C10orf90: variants seen among roughly 807,000 people sequenced by gnomAD.
C10orf90 encodes chromosome 10 open reading frame 90, also known as (E2-independent) E3 ubiquitin-conjugating enzyme FATS.
C10orf90 carries 56 observed loss-of-function variants against 62.5 expected under a neutral mutation model. That is an observed-to-expected ratio of 0.90 (90% CI 0.72 to 1.12). The LOEUF (loss-of-function observed/expected upper bound fraction) is 1.12. C10orf90 is among the 50% of genes most tolerant of loss of function. The pLI is 0.00. For missense variants in C10orf90, 970 were observed against 880.4 expected, an observed-to-expected ratio of 1.10 and a Z score of -1.29; for synonymous variants, 386 against 340.4, an observed-to-expected ratio of 1.13 and a Z score of -1.47.
At chr10:126,572,212 C>A (rs954244501) in intron 2 of C10orf90, among the ~76,000 whole-genome samples, 2 of 152,116 alleles carry the variant, frequency 1.3e-5, no homozygotes, top group East Asian at 3.9e-4. Flanking sequence ...GCCTGCCAAA[C>A]CCACCAAAAC....
chr10:126,581,129 T>C (rs1049259164), intron 2 of C10orf90, among the ~76,000 whole-genome samples: 1 of 152,226 alleles, frequency 6.6e-6, no homozygotes, highest in African/African-American at 2.4e-5. Flanking sequence ...TCTCCTGCTG[T>C]TTGCTTAGCT....
At chr10:126,512,412 CTG>C (rs60016526) in intron 3 of C10orf90, among the ~76,000 whole-genome samples, 8 of 84,986 alleles carry the variant, frequency 9.4e-5, no homozygotes, top group South Asian at 3.4e-4. Context: ...GTCTGTGTGT[CTG>C]TGTGTGTGTG....
Position 126,439,545 on chromosome 10 carries a change from G to A in C10orf90, c.2189-9695C>T, listed in dbSNP as rs368070610. ...TTTAAGGAAGCTGATCCAACTATAA[G>A]AGAACACAGAAAAAAAATGACATCA... On this transcript the variant is annotated intron_variant, in intron 7 of 9. Coordinates refer to ENST00000488181, the MANE Select transcript of C10orf90 (RefSeq NM_001350921.2). Among the ~76,000 whole-genome samples, 6 of 151,648 alleles carry A rather than the reference G, an allele frequency of 4.0e-5. No homozygotes were observed. In the East Asian group the frequency reaches 9.7e-4, roughly 25 times the overall value.
At chr10:126,619,556 G>A (rs1347733416) in intron 2 of C10orf90, among the ~76,000 whole-genome samples, 1 of 152,206 alleles carries the variant, frequency 6.6e-6, no homozygotes, top group Admixed American at 6.5e-5. Flanking sequence ...TTTCATAAAT[G>A]TGTTGGTCAT....
At chr10:126,430,548 G>A (rs893202003) in intron 7 of C10orf90, among the ~76,000 whole-genome samples, 5 of 152,240 alleles carry the variant, frequency 3.3e-5, no homozygotes, top group Admixed American at 2.0e-4. Context: ...AGTTGAAAAG[G>A]GACTGTTCCA....
intron 2 of C10orf90, among the ~76,000 whole-genome samples, chr10:126,619,932 C>T (rs1591150114): frequency 6.6e-6 from 1 of 152,118 alleles, no homozygotes; most frequent in Non-Finnish European, 1.5e-5. Flanking sequence ...TGCACCTAGT[C>T]ATTTTTTCTT....
intron 2 of C10orf90, among the ~76,000 whole-genome samples, chr10:126,625,215 T>C (rs1159390695): frequency 1.3e-5 from 2 of 152,174 alleles, no homozygotes; most frequent in Non-Finnish European, 2.9e-5. Flanking sequence ...TCAACAAATA[T>C]GCTGGGAGCC....
At chr10:126,667,387 T>C (rs976963968) in intron 1 of C10orf90, among the ~76,000 whole-genome samples, 2 of 151,910 alleles carry the variant, frequency 1.3e-5, no homozygotes, top group Non-Finnish European at 2.9e-5. Flanking sequence ...AAAGAATGAA[T>C]AGAAAAAGGA....
intron 7 of C10orf90, among the ~76,000 whole-genome samples, chr10:126,439,554 GA>G (rs902481843): frequency 1.8e-4 from 27 of 151,340 alleles, no homozygotes; most frequent in African/African-American, 6.1e-4. Context: ...AGAGAACACA[GA>G]AAAAAAATGA....
At chr10:126,477,076 A>ATTTTTTTTTTTTTTTTTTTTTTTTTTTT (rs551973906) in intron 4 of C10orf90, among the ~76,000 whole-genome samples, 2 of 56,484 alleles carry the variant, frequency 3.5e-5, no homozygotes, top group African/African-American at 6.4e-5. Context: ...CGCCTGGCTA[A>ATTTTTTTTTTTTTTTTTTTTTTTTTTTT]TTTTTTTTTT....
At chr10:126,430,207 C>G (rs1024846003) in intron 7 of C10orf90, among the ~76,000 whole-genome samples, 1 of 152,154 alleles carries the variant, frequency 6.6e-6, no homozygotes, top group African/African-American at 2.4e-5. Context: ...TACACTAGGT[C>G]TGTGAGGCCT....
intron 4 of C10orf90, among the ~76,000 whole-genome samples, chr10:126,498,707 AC>A (rs1229535987): frequency 1.3e-5 from 2 of 152,224 alleles, no homozygotes; most frequent in Non-Finnish European, 2.9e-5. Flanking sequence ...GAATTGGCTG[AC>A]TGAAGAGAGC....
intron 3 of C10orf90, among the ~76,000 whole-genome samples, chr10:126,508,158 T>A (rs866348020): frequency 1.1e-4 from 14 of 131,522 alleles, no homozygotes; most frequent in South Asian, 5.4e-4. Flanking sequence ...AATGAGTGAG[T>A]GAGAGAGAGA....
intron 7 of C10orf90, among the ~76,000 whole-genome samples, chr10:126,431,588 C>T (rs2133988661): frequency 6.6e-6 from 1 of 152,260 alleles, no homozygotes; most frequent in Non-Finnish European, 1.5e-5. Flanking sequence ...ACTTATTCCA[C>T]TTAGGGAAAA....
At chr10:126,437,985 G>T (rs958528482) in intron 7 of C10orf90, among the ~76,000 whole-genome samples, 3 of 152,180 alleles carry the variant, frequency 2.0e-5, no homozygotes, top group African/African-American at 7.2e-5. Flanking sequence ...CTTATTTTCT[G>T]TGGTTATTTC....
rs192627511 is a variant in C10orf90, at chr10:126,607,926, C to A, written c.313+38639G>T. Among the ~76,000 whole-genome samples, 11 of 152,228 alleles carry A rather than the reference C, an allele frequency of 7.2e-5. No homozygotes were observed. In the East Asian group the frequency reaches 1.9e-3, roughly 27 times the overall value. ...CGTATGATTCCACTTACATGAAGTA[C>A]TTAGAATAGTGAAAATCATGAGATA... On this transcript the variant is annotated intron_variant, in intron 2 of 9. Transcript: ENST00000488181.
chr10:126,563,141 G>T (rs1392755817), intron 2 of C10orf90, among the ~76,000 whole-genome samples: 2 of 152,204 alleles, frequency 1.3e-5, no homozygotes, highest in East Asian at 3.9e-4. Context: ...CCAGCTGGTT[G>T]TTGTTTAAAG....
chr10:126,555,680 G>GTAAATAAATAAATAAATAAA (rs71032506), intron 2 of C10orf90, among the ~76,000 whole-genome samples: 60 of 136,468 alleles, frequency 4.4e-4, no homozygotes, highest in East Asian at 1.1e-3. Flanking sequence ...CTCTATCTCA[G>GTAAATAAATAAATAAATAAA]TAAATAAATA....
intron 2 of C10orf90, among the ~76,000 whole-genome samples, chr10:126,557,183 G>C (rs1299421898): frequency 6.6e-6 from 1 of 151,912 alleles, no homozygotes; most frequent in Non-Finnish European, 1.5e-5. Flanking sequence ...TCACCATTCA[G>C]ATTAAGAAAT....
Sources: gnomAD v4.1 joint callset for allele counts (sites outside exome capture counted in the v4.1 genomes callset) on GRCh38, gnomAD v4.1.1 for gene constraint, MANE v1.5 for transcripts, NCBI Gene and HGNC (gene_info 2026-07-23, HGNC 2026-07-21) for gene names.